MED13L: variants seen among roughly 807,000 people sequenced by gnomAD.
The protein encoded by MED13L is mediator of RNA polymerase II transcription subunit 13-like.
In MED13L, 7 loss-of-function variants were observed where a neutral mutation model predicts 220.9. That is an observed-to-expected ratio of 0.03 (90% CI 0.02 to 0.06). MED13L has a LOEUF of 0.06. Ranked by LOEUF, MED13L falls within the 10% of genes least tolerant of loss-of-function variation. The probability of loss-of-function intolerance (pLI) is 1.00; values close to 1 mark genes in which losing one functional copy is unlikely to be tolerated. For synonymous variants in MED13L, 1,011 were observed against 1,015.2 expected (o/e 1.00, Z 0.08); for missense variants, 1,965 against 2,760.5 (o/e 0.71, Z 6.46).
chr12:116,106,469 C>T (rs1224928336), intron 3 of MED13L, among the ~76,000 whole-genome samples: 1 of 152,158 alleles, frequency 6.6e-6, no homozygotes, highest in Non-Finnish European at 1.5e-5. Context: ...GTAAGACTTT[C>T]TAATACTAAG....
chr12:116,082,881 T>G (rs1383902641), intron 4 of MED13L, among the ~76,000 whole-genome samples: 1 of 152,158 alleles, frequency 6.6e-6, no homozygotes, highest in African/African-American at 2.4e-5. Context: ...AATGAATGAT[T>G]TATAGAACAA....
At chr12:116,079,162 TTTA>T (rs1179723980) in intron 4 of MED13L, among the ~76,000 whole-genome samples, 1 of 152,146 alleles carries the variant, frequency 6.6e-6, no homozygotes, top group Non-Finnish European at 1.5e-5. Flanking sequence ...ATGCAGTGGG[TTTA>T]TTATTATTAC....
At chr12:115,985,931 G>C (rs1033602282) in intron 19 of MED13L, among the ~76,000 whole-genome samples, 4 of 152,100 alleles carry the variant, frequency 2.6e-5, no homozygotes, top group Non-Finnish European at 4.4e-5. Context: ...GTGCTCTTTT[G>C]GTAAAGCTCA....
chr12:116,048,755 C>A (rs1881986148), intron 4 of MED13L, among the ~76,000 whole-genome samples: 1 of 152,126 alleles, frequency 6.6e-6, no homozygotes, highest in South Asian at 2.1e-4. Flanking sequence ...TTCTCTTATA[C>A]CTTTCAATTG....
chr12:116,120,477 TCACACACACACACA>T (rs1158069310), intron 2 of MED13L, among the ~76,000 whole-genome samples: 3 of 79,424 alleles, frequency 3.8e-5, no homozygotes, highest in East Asian at 4.1e-4. Context: ...TCTCTCTCTC[TCACACACACACACA>T]CACACACACA....
At chr12:116,064,629 T>TC (rs536171345) in intron 4 of MED13L, among the ~76,000 whole-genome samples, 224 of 152,340 alleles carry the variant, frequency 1.5e-3, no homozygotes, top group Non-Finnish European at 2.5e-3. Flanking sequence ...TCATTAATAC[T>TC]CAGCAAGTCT....
intron 2 of MED13L, among the ~76,000 whole-genome samples, chr12:116,143,596 G>A (rs1365820291): frequency 6.6e-6 from 1 of 152,138 alleles, no homozygotes; most frequent in Non-Finnish European, 1.5e-5. Context: ...TCCTCTCAGA[G>A]CTGACTCATT....
chr12:116,099,953 A>G (rs1393290682), intron 3 of MED13L, among the ~76,000 whole-genome samples: 2 of 152,236 alleles, frequency 1.3e-5, no homozygotes, highest in Non-Finnish European at 2.9e-5. Context: ...GTGTTTCCAA[A>G]TAAGAGTCAC....
intron 1 of MED13L, among the ~76,000 whole-genome samples, chr12:116,263,845 C>T (rs1038406594): frequency 6.6e-6 from 1 of 152,136 alleles, no homozygotes; most frequent in East Asian, 1.9e-4. Context: ...ATACCACCAC[C>T]ACTTAATTGG....
intron 2 of MED13L, among the ~76,000 whole-genome samples, chr12:116,227,735 A>G (rs1023827435): frequency 6.6e-6 from 1 of 152,130 alleles, no homozygotes; most frequent in Admixed American, 6.5e-5. Flanking sequence ...AAACAATATT[A>G]AAGTTAGGCC....
chr12:116,160,301 TTTG>T (rs529687415), intron 2 of MED13L, among the ~76,000 whole-genome samples: 2 of 152,174 alleles, frequency 1.3e-5, no homozygotes, highest in East Asian at 1.9e-4. Flanking sequence ...AACTGCTATT[TTTG>T]TTGTTGTTGT....
At chr12:116,066,016 T>C (rs183975132) in intron 4 of MED13L, among the ~76,000 whole-genome samples, 1 of 152,334 alleles carries the variant, frequency 6.6e-6, no homozygotes, top group East Asian at 1.9e-4. Flanking sequence ...TGTGTGTGAA[T>C]GCACAAGTAG....
chr12:116,038,439 C>T (rs1881316739), intron 4 of MED13L, among the ~76,000 whole-genome samples: 1 of 151,992 alleles, frequency 6.6e-6, no homozygotes. Context: ...GTGTACCTTC[C>T]CAAATTACAA....
intron 2 of MED13L, among the ~76,000 whole-genome samples, chr12:116,131,593 GT>G (rs1714078718): frequency 6.6e-6 from 1 of 152,066 alleles, no homozygotes; most frequent in Non-Finnish European, 1.5e-5. Context: ...AACTCTCTAG[GT>G]TTTAGGTTCT....
chr12:116,221,437 C>A (rs949417727), intron 2 of MED13L, among the ~76,000 whole-genome samples: 1 of 151,104 alleles, frequency 6.6e-6, no homozygotes, highest in Non-Finnish European at 1.5e-5. Flanking sequence ...AGTTAATATT[C>A]TGAAAGAAAG....
intron 23 of MED13L, among the ~76,000 whole-genome samples, chr12:115,978,467 T>C (rs1877106756): frequency 6.6e-6 from 1 of 151,898 alleles, no homozygotes; most frequent in African/African-American, 2.4e-5. Context: ...GCTGGGATTA[T>C]AGGCATCCGC....
intron 3 of MED13L, among the ~76,000 whole-genome samples, chr12:116,103,993 A>G (rs1043794482): frequency 2.4e-5 from 3 of 127,292 alleles, no homozygotes; most frequent in Non-Finnish European, 5.0e-5. Context: ...ATCCAAGGAC[A>G]TTGCTCTTTT....
chr12:115,995,804 T>G (rs1258526449), intron 16 of MED13L, among the ~76,000 whole-genome samples: 1 of 152,166 alleles, frequency 6.6e-6, no homozygotes, highest in Non-Finnish European at 1.5e-5. Context: ...TGTTTTACAA[T>G]AAAGTGCTGA....
Position 115,978,617 on chromosome 12 carries a change from G to A in MED13L, c.5364+2133C>T, listed in dbSNP as rs146311081. Among the ~76,000 whole-genome samples the A allele has an allele frequency of 1.8e-3, 276 of 152,218 alleles. 3 individuals carry two copies. Among genetic ancestry groups the A allele is most frequent in the East Asian group, 0.018 (92 of 5,178 alleles). On this transcript the variant is annotated intron_variant, in intron 23 of 30. Coordinates refer to ENST00000281928, the MANE Select transcript of MED13L (RefSeq NM_015335.5). The stretch of plus-strand genomic sequence containing the variant: ...GTTGGGATTATAGGCATGAGCCACC[G>A]CGCCCGGCCTGAACTGTAAAATTTT...
Sources: gnomAD v4.1 joint callset for allele counts (sites outside exome capture counted in the v4.1 genomes callset) on GRCh38, gnomAD v4.1.1 for gene constraint, MANE v1.5 for transcripts, NCBI Gene and HGNC (gene_info 2026-07-23, HGNC 2026-07-21) for gene names.